The following RAB11A variants were observed in gnomAD, a reference collection of about 807,000 sequenced individuals.
RAB11A encodes the protein ras-related protein Rab-11A.
In RAB11A, 9 loss-of-function variants were observed where a neutral mutation model predicts 28.0. That is an observed-to-expected ratio of 0.32 (90% CI 0.19 to 0.56). RAB11A has a LOEUF of 0.56. Ranked by LOEUF, RAB11A falls within the 20% of genes least tolerant of loss-of-function variation. The probability of loss-of-function intolerance (pLI) is 0.91; values close to 1 mark genes in which losing one functional copy is unlikely to be tolerated. For missense variants in RAB11A, 108 were observed against 269.6 expected (o/e 0.40, Z 4.20); for synonymous variants, 85 against 88.2 (o/e 0.96, Z 0.20).
chr15:65,890,215 G>T lies in RAB11A; in HGVS notation c.*2375G>T, dbSNP rs111938927. The T allele has an allele frequency of 6.6e-6, 1 of 152,166 alleles. No individual in the cohort carries two copies. Among genetic ancestry groups the T allele is most frequent in the East Asian group, 1.9e-4 (1 of 5,180 alleles). 9.4% of individuals were successfully genotyped at this position (152,166 alleles called of 1,614,324 possible). On this transcript the variant is annotated 3_prime_UTR_variant, in exon 5 of 5. Coordinates refer to ENST00000261890, the MANE Select transcript of RAB11A (RefSeq NM_004663.5). ...TGGGATTATAGGCGCCAGCCACCAC[G>T]ACTGGCTAATTTTTTGTATTTTTAG...
chr15:65,879,621 ATTCC>A (rs774009943), intron 3 of RAB11A, 46 bp from the exon 4 acceptor site: 2 of 1,421,014 alleles, frequency 1.4e-6, no homozygotes, highest in African/African-American at 2.9e-5. Flanking sequence ...AGTATATCCT[ATTCC>A]TTGTTTTAAA....
chr15:65,887,591 A>G (rs2078262910), intron 4 of RAB11A, 110 bp from the exon 5 acceptor site: 1 of 1,043,146 alleles, frequency 9.6e-7, no homozygotes, highest in Admixed American at 3.4e-5. Flanking sequence ...TTCTCTGTTC[A>G]GTTTCCTTAG....
chr15:65,887,164 T>C (rs1427617443), intron 4 of RAB11A, among the ~76,000 whole-genome samples: 2 of 151,582 alleles, frequency 1.3e-5, no homozygotes, highest in African/African-American at 2.4e-5. Flanking sequence ...AATGTAATGC[T>C]ATTGGCTTAC....
intron 1 of RAB11A, among the ~76,000 whole-genome samples, chr15:65,875,646 T>A (rs2078187604): frequency 6.6e-6 from 1 of 152,244 alleles, no homozygotes; most frequent in Non-Finnish European, 1.5e-5. Context: ...CCTGAATGAT[T>A]TCTTGCTGAA....
chr15:65,869,506 C>G lies in RAB11A; in HGVS notation c.-80C>G. On this transcript the variant is annotated 5_prime_UTR_variant, in exon 1 of 5. Transcript: ENST00000261890. ...CCAGTCCGGCAGTTGAAGCTCGGCG[C>G]TCGGGTTACCCCTGCAGCGACGCCC... The G allele has an allele frequency of 7.1e-6, 11 of 1,550,542 alleles. No individual in the cohort carries two copies. The South Asian group carries it at 1.1e-4, about 15-fold the overall frequency.
chr15:65,887,073 TTTTG>T (rs909491018), intron 4 of RAB11A, among the ~76,000 whole-genome samples: 10 of 152,294 alleles, frequency 6.6e-5, no homozygotes, highest in East Asian at 3.9e-4. Flanking sequence ...TGTAGGCAAT[TTTTG>T]TTTGTTTGTT....
At position 65,889,820 on chromosome 15, in the gene RAB11A, A is replaced by G. The variant is rs2078277235; in HGVS notation, c.*1980A>G. Reference sequence around the variant, plus strand: ...AAACTTAGAATTTTTACCCAAGTGTAGACTTAAATGTTGCTTTGAGTATGG... The same window carrying G: ...AAACTTAGAATTTTTACCCAAGTGTGGACTTAAATGTTGCTTTGAGTATGG... On this transcript the variant is annotated 3_prime_UTR_variant, in exon 5 of 5. Transcript: ENST00000261890. 1.3e-5 allele frequency: 2 copies of G among 152,234 alleles called. No homozygotes were observed. Among genetic ancestry groups the G allele is most frequent in the Admixed American group, 1.3e-4 (2 of 15,288 alleles). The allele number at this position is 152,234 out of a possible 1,614,324, so 9.4% of individuals were successfully genotyped here. A position where few individuals can be genotyped will look rare whatever the true frequency, so the allele number is the denominator to read the frequency against.
intron 4 of RAB11A, among the ~76,000 whole-genome samples, chr15:65,881,140 G>A (rs111395431): frequency 8.8e-4 from 134 of 152,228 alleles, no homozygotes; most frequent in Admixed American, 3.7e-3. Context: ...AATAGTGCTG[G>A]GGTTGGATAA....
At chr15:65,873,855 GCTGAGATTACAGGCATGAGC>G in intron 1 of RAB11A, among the ~76,000 whole-genome samples, 1 of 152,004 alleles carries the variant, frequency 6.6e-6, no homozygotes, top group Non-Finnish European at 1.5e-5. Flanking sequence ...CTCTCAGAGT[GCTGAGATTACAGGCATGAGC>G]CACTGTGTCC....
chr15:65,884,194 C>T (rs1480726740), intron 4 of RAB11A, among the ~76,000 whole-genome samples: 2 of 151,314 alleles, frequency 1.3e-5, no homozygotes, highest in Admixed American at 1.3e-4. Context: ...GATTTTGTTT[C>T]AATGAAAAAG....
At chr15:65,879,805 A>G in intron 4 of RAB11A, 54 bp downstream of exon 4, 1 of 1,336,558 alleles carries the variant, frequency 7.5e-7, no homozygotes, top group South Asian at 1.2e-5. Context: ...TTAGGAAGGT[A>G]ATTTAAACAA....
At chr15:65,878,757 G>T (rs1596786511) in intron 3 of RAB11A, among the ~76,000 whole-genome samples, 1 of 152,210 alleles carries the variant, frequency 6.6e-6, no homozygotes, top group Non-Finnish European at 1.5e-5. Flanking sequence ...ATAACTTTCT[G>T]TAACAGTTTT....
intron 3 of RAB11A, among the ~76,000 whole-genome samples, chr15:65,878,676 C>T (rs11632699): frequency 0.073 from 11,068 of 152,054 alleles, 523 homozygotes; most frequent in Non-Finnish European, 0.099. Flanking sequence ...AGACTCCGTC[C>T]CAAAAAAACA....
rs1305591811 is a variant in RAB11A at position 65,889,440 on chromosome 15, G to T, written c.*1600G>T. Reference sequence around the variant, plus strand: ...GATTATATTCACATTCTAATAAACAGTTATAGGGGGATTATTTCTTATGCT... The same window carrying T: ...GATTATATTCACATTCTAATAAACATTTATAGGGGGATTATTTCTTATGCT... On this transcript the variant is annotated 3_prime_UTR_variant, in exon 5 of 5. Transcript: ENST00000261890. 6.6e-6 allele frequency: 1 copy of T among 152,108 alleles called. No homozygotes were observed. The highest frequency in any genetic ancestry group is 1.5e-5 in the Non-Finnish European group (1 of 68,018). The allele number at this position is 152,108 out of a possible 1,614,324, so 9.4% of individuals were successfully genotyped here.
chr15:65,889,781 A>G lies in RAB11A; in HGVS notation c.*1941A>G, dbSNP rs2078276874. On this transcript the variant is annotated 3_prime_UTR_variant, in exon 5 of 5. Coordinates refer to ENST00000261890, the MANE Select transcript of RAB11A (RefSeq NM_004663.5). ...AAGAGAAAAACTAAATAGTGAATTG[A>G]AAATGAATAAAGTAAACTTAGAATT... 1 of 152,228 alleles carries G rather than the reference A, an allele frequency of 6.6e-6. No individual in the cohort carries two copies. Among genetic ancestry groups the G allele is most frequent in the African/African-American group, 2.4e-5 (1 of 41,452 alleles). The allele number at this position is 152,228 out of a possible 1,614,324, so 9.4% of individuals were successfully genotyped here.
In RAB11A at chr15:65,889,085, G is replaced by A. The variant is rs987966362; in HGVS notation, c.*1245G>A. ...CACTAATATTTAGTTTTGCTTTCTCGTGGATAATATTAAGCACTTACTCTG... is the reference window on the plus strand; with the variant it reads ...CACTAATATTTAGTTTTGCTTTCTCATGGATAATATTAAGCACTTACTCTG... On this transcript the variant is annotated 3_prime_UTR_variant, in exon 5 of 5. Transcript: ENST00000261890. 3 of 152,608 alleles carry A rather than the reference G, an allele frequency of 2.0e-5. No individual in the cohort carries two copies. The highest frequency in any genetic ancestry group is 4.4e-5 in the Non-Finnish European group (3 of 68,042). 9.5% of individuals were successfully genotyped at this position (152,608 alleles called of 1,614,324 possible).
rs1377949437 is a variant in RAB11A at position 65,889,907 on chromosome 15, A to G, written c.*2067A>G. 6.6e-6 allele frequency: 1 copy of G among 152,214 alleles called. No homozygotes were observed. Among genetic ancestry groups the G allele is most frequent in the Non-Finnish European group, 1.5e-5 (1 of 68,046 alleles). The allele number at this position is 152,214 out of a possible 1,614,324, so 9.4% of individuals were successfully genotyped here. A position where few individuals can be genotyped will look rare whatever the true frequency, so the allele number is the denominator to read the frequency against. On this transcript the variant is annotated 3_prime_UTR_variant, in exon 5 of 5. Transcript: ENST00000261890. ...TAGAAAATGACTTTGATTGCATTTC[A>G]GCAGGTGTCTTTATTCTGAGTAGTA... is the stretch of plus-strand genomic sequence containing the variant.
intron 1 of RAB11A, among the ~76,000 whole-genome samples, chr15:65,873,016 A>G (rs1433112620): frequency 1.3e-5 from 2 of 152,208 alleles, no homozygotes; most frequent in African/African-American, 4.8e-5. Context: ...GGATATTTTG[A>G]TTAATAGGGG....
chr15:65,888,051 C>A lies in RAB11A; in HGVS notation c.*211C>A. 1 of 438,844 alleles carries A rather than the reference C, an allele frequency of 2.3e-6. No individual in the cohort carries two copies. Among genetic ancestry groups the A allele is most frequent in the Non-Finnish European group, 3.9e-6 (1 of 256,152 alleles). The allele number at this position is 438,844 out of a possible 1,614,324, so 27.2% of individuals were successfully genotyped here. A position where few individuals can be genotyped will look rare whatever the true frequency, so the allele number is the denominator to read the frequency against. ...TTTTTCATGCTATGGCTTCACTAGC[C>A]TTAGTTTAATAAACTGAATGTTTGG... On this transcript the variant is annotated 3_prime_UTR_variant, in exon 5 of 5. Coordinates refer to ENST00000261890, the MANE Select transcript of RAB11A (RefSeq NM_004663.5).
Sources: allele counts gnomAD v4.1 joint callset (sites outside exome capture counted in the v4.1 genomes callset), GRCh38; gene constraint gnomAD v4.1.1; transcripts MANE v1.5; gene names NCBI Gene and HGNC (gene_info 2026-07-23, HGNC 2026-07-21).